EBF2: variants seen among roughly 807,000 people sequenced by gnomAD.
EBF2 encodes the protein EBF transcription factor 2, also known as transcription factor COE2.
EBF2 carries 21 observed loss-of-function variants against 72.8 expected under a neutral mutation model. The ratio of observed to expected loss-of-function variants is 0.29; its 90% CI spans 0.20 to 0.42. The LOEUF (loss-of-function observed/expected upper bound fraction) is 0.42, where lower values mean the gene tolerates loss of function less well. Ranked by LOEUF, EBF2 falls within the 10% of genes least tolerant of loss-of-function variation. EBF2 has a pLI of 1.00. For missense variants in EBF2, 637 were observed against 731.2 expected, an observed-to-expected ratio of 0.87 and a Z score of 1.49; for synonymous variants, 299 against 274.2, an observed-to-expected ratio of 1.09 and a Z score of -0.89.
chr8:25,917,446 G>A (rs576569898), intron 6 of EBF2, among the ~76,000 whole-genome samples: 1 of 152,164 alleles, frequency 6.6e-6, no homozygotes, highest in Middle Eastern at 3.4e-3. Flanking sequence ...GTCTTTGGAG[G>A]GCTCTTTGCA....
chr8:25,846,241 T>A (rs558722686), intron 15 of EBF2, among the ~76,000 whole-genome samples: 1 of 152,204 alleles, frequency 6.6e-6, no homozygotes, highest in Non-Finnish European at 1.5e-5. Flanking sequence ...TTATTTTATT[T>A]TTTTTTTCCT....
chr8:25,875,833 C>T (rs1802511590), intron 10 of EBF2, among the ~76,000 whole-genome samples: 1 of 152,202 alleles, frequency 6.6e-6, no homozygotes, highest in Non-Finnish European at 1.5e-5. Flanking sequence ...TTAGTTCAAC[C>T]ACTGTGGAAG....
intron 6 of EBF2, among the ~76,000 whole-genome samples, chr8:26,024,446 G>T (rs1007400017): frequency 7.2e-5 from 11 of 152,126 alleles, no homozygotes; most frequent in Admixed American, 3.9e-4. Flanking sequence ...CCACTGCAAG[G>T]TCCATGGCAT....
intron 6 of EBF2, among the ~76,000 whole-genome samples, chr8:25,912,994 A>G (rs148624711): frequency 6.6e-6 from 1 of 152,280 alleles, no homozygotes; most frequent in East Asian, 1.9e-4. Context: ...AGGAAAGGTA[A>G]CTACTTAATA....
At chr8:25,903,456 G>A (rs1382009631) in intron 7 of EBF2, among the ~76,000 whole-genome samples, 2 of 152,168 alleles carry the variant, frequency 1.3e-5, no homozygotes, top group South Asian at 2.1e-4. Context: ...AGCACTTTGG[G>A]AGGCCCAGGC....
chr8:26,029,588 ACTT>A lies in EBF2; in HGVS notation c.551+3494_551+3496del, dbSNP rs551081187. On this transcript the variant is annotated intron_variant, in intron 6 of 15. Coordinates refer to ENST00000520164, the MANE Select transcript of EBF2 (RefSeq NM_022659.4). ...ATGCACATTTCAAGGGAATAAACAGACTTCTTCTGAGCCAGAGTGGAGTGTGCC... is the reference window on the plus strand; with the variant it reads ...ATGCACATTTCAAGGGAATAAACAGACTTCTGAGCCAGAGTGGAGTGTGCC... Among the ~76,000 whole-genome samples the A allele has an allele frequency of 6.6e-5, 10 of 152,246 alleles. No homozygotes were observed. In the South Asian group the frequency reaches 1.0e-3, roughly 16 times the overall value.
chr8:25,986,914 G>A (rs1229862874), intron 6 of EBF2, among the ~76,000 whole-genome samples: 2 of 152,162 alleles, frequency 1.3e-5, no homozygotes, highest in East Asian at 3.9e-4. Context: ...TCTGCCAAAG[G>A]CAACATGGGG....
At position 25,992,190 on chromosome 8, in the gene EBF2, A is replaced by G. The variant is rs142970496; in HGVS notation, c.551+40895T>C. Among the ~76,000 whole-genome samples the G allele has an allele frequency of 3.9e-3, 598 of 151,898 alleles. 5 individuals are homozygous for G. Among genetic ancestry groups the G allele is most frequent in the African/African-American group, 0.014 (567 of 41,436 alleles). ...CCTGTCTCTGCTAAAAATACAGAAA[A>G]TTAGCTGGGCATGGTGGCAGGCGCC... On this transcript the variant is annotated intron_variant, in intron 6 of 15. Transcript: ENST00000520164.
chr8:25,877,353 C>T (rs1439350819), intron 10 of EBF2, among the ~76,000 whole-genome samples: 3 of 152,214 alleles, frequency 2.0e-5, no homozygotes, highest in Non-Finnish European at 4.4e-5. Flanking sequence ...GGCTAGCATA[C>T]CTCCTCCAGG....
intron 6 of EBF2, among the ~76,000 whole-genome samples, chr8:25,982,937 T>C (rs1804386583): frequency 6.6e-6 from 1 of 151,442 alleles, no homozygotes; most frequent in Non-Finnish European, 1.5e-5. Flanking sequence ...TTTATAAATT[T>C]CTATGTATAA....
chr8:25,965,223 C>T (rs1203201155), intron 6 of EBF2, among the ~76,000 whole-genome samples: 1 of 152,158 alleles, frequency 6.6e-6, no homozygotes, highest in Non-Finnish European at 1.5e-5. Flanking sequence ...CCACATAGAA[C>T]TTTATTTCCC....
At chr8:25,852,911 A>C (rs1490451900) in intron 14 of EBF2, among the ~76,000 whole-genome samples, 2 of 152,292 alleles carry the variant, frequency 1.3e-5, no homozygotes, top group East Asian at 3.9e-4. Context: ...GTAAGAAGGC[A>C]CTTATCTTCA....
intron 6 of EBF2, among the ~76,000 whole-genome samples, chr8:25,939,750 A>C (rs1277006707): frequency 6.6e-6 from 1 of 152,184 alleles, no homozygotes; most frequent in African/African-American, 2.4e-5. Context: ...TGAATCAGGG[A>C]AAGAATAATT....
At chr8:26,009,137 TG>T (rs66495745) in intron 6 of EBF2, among the ~76,000 whole-genome samples, 139,319 of 139,342 alleles carry the variant, frequency 1, 69,648 homozygotes, top group Middle Eastern at 1. Flanking sequence ...AAAACCACCA[TG>T]GGAGTGGGTG....
At position 25,861,166 on chromosome 8, in the gene EBF2, G is replaced by A. The variant is rs267601873; in HGVS notation, c.1225C>T (p.Pro409Ser). The change falls in exon 13 of 16, where the codon CCC (proline) becomes TCC (serine). Residue 409 changes from proline to serine, a missense_variant. Around this residue, in one of 3 missense-constraint regions of EBF2, gnomAD observed 259 missense variants for 268.1 expected, o/e 0.97. Transcript: ENST00000520164. ...CTAGAGAGGGCTGGAAGCTGGCTGG[G>A]ATTCCTGGGGACGCTGTAGAGAGCT... ...AEALYSVPRN[P>S]SQLPALSSSP... The A allele has an allele frequency of 6.2e-7, 1 of 1,614,086 alleles. No individual in the cohort carries two copies. Among genetic ancestry groups the A allele is most frequent in the Non-Finnish European group, 8.5e-7 (1 of 1,179,992 alleles).
intron 6 of EBF2, among the ~76,000 whole-genome samples, chr8:26,017,848 A>G (rs984907357): frequency 8.5e-5 from 13 of 152,226 alleles, no homozygotes; most frequent in Admixed American, 3.9e-4. Context: ...TCACTGTGCC[A>G]CCTCTCGACA....
At chr8:26,042,664 A>C (rs1270411761) in intron 1 of EBF2, among the ~76,000 whole-genome samples, 2 of 152,176 alleles carry the variant, frequency 1.3e-5, no homozygotes, top group Non-Finnish European at 2.9e-5. Context: ...CAGGATGCAG[A>C]GCTGGGGCCC....
At chr8:25,979,516 C>A (rs569093072) in intron 6 of EBF2, among the ~76,000 whole-genome samples, 1 of 152,340 alleles carries the variant, frequency 6.6e-6, no homozygotes, top group African/African-American at 2.4e-5. Flanking sequence ...CTCTGAAAGG[C>A]CCCACAGGCA....
Position 26,003,935 on chromosome 8 carries a change from G to A in EBF2, c.551+29150C>T, listed in dbSNP as rs575366756. On this transcript the variant is annotated intron_variant, in intron 6 of 15. Coordinates refer to ENST00000520164, the MANE Select transcript of EBF2 (RefSeq NM_022659.4). ...AGAGTTTGCGCTCCTGGGGGACCAG[G>A]GGTAGTTTGTAGCAAAGCTCTTTGT... Among the ~76,000 whole-genome samples the A allele has an allele frequency of 2.0e-5, 3 of 152,188 alleles. No homozygotes were observed. The South Asian group carries it at 6.2e-4, about 32-fold the overall frequency.
Sources: gnomAD v4.1 joint callset for allele counts (sites outside exome capture counted in the v4.1 genomes callset) on GRCh38, gnomAD v4.1.1 for gene constraint, gnomAD v4.1.1 regional missense constraint, MANE v1.5 for transcripts, NCBI Gene and HGNC (gene_info 2026-07-23, HGNC 2026-07-21) for gene names.